Variants in RAB1A observed in about 807,000 individuals in gnomAD.
RAB1A encodes the protein RAB1A, member RAS oncogene family, also known as ras-related protein Rab-1A.
A neutral mutation model predicts 26.0 loss-of-function variants in RAB1A; 2 were observed. That is an observed-to-expected ratio of 0.08 (90% CI 0.03 to 0.24). RAB1A has a LOEUF of 0.24. Ranked by LOEUF, RAB1A falls within the 10% of genes least tolerant of loss-of-function variation. The pLI, the probability that RAB1A is intolerant of heterozygous loss-of-function variation, is 1.00. For synonymous variants in RAB1A, 84 were observed against 84.9 expected (o/e 0.99, Z 0.06); for missense variants, 100 against 247.0 (o/e 0.40, Z 3.99).
intron 1 of RAB1A, among the ~76,000 whole-genome samples, chr2:65,117,113 T>C (rs1183354458): frequency 2.4e-5 from 3 of 125,264 alleles, no homozygotes; most frequent in African/African-American, 9.2e-5. Context: ...TCACCCAGGC[T>C]GAAGTGCAGT....
At chr2:65,121,452 A>C (rs1669963075) in intron 1 of RAB1A, among the ~76,000 whole-genome samples, 1 of 152,192 alleles carries the variant, frequency 6.6e-6, no homozygotes, top group South Asian at 2.1e-4. Flanking sequence ...TTAATAAAGC[A>C]GTGTAGGGTG....
In RAB1A at chr2:65,089,035, T is replaced by G; in HGVS notation, c.324A>C (p.Glu108Asp). Reference sequence around the variant, plus strand: ...CATTTTCACTGGCATAACGATCTATTTCCTGCAGCCACTGTTTAACATTAT... The same window carrying G: ...CATTTTCACTGGCATAACGATCTATGTCCTGCAGCCACTGTTTAACATTAT... ...SFNNVKQWLQ[E>D]IDRYASENVN... Residue 108 changes from glutamate (E) to aspartate (D), a missense_variant, in exon 5 of 6, where the codon GAA becomes GAC. Glu to Asp is a conservative substitution (Grantham distance 45). This residue lies in a region of RAB1A where 67 missense variants were observed against 122.9 expected (regional missense o/e 0.55). Coordinates refer to ENST00000409784, the MANE Select transcript of RAB1A (RefSeq NM_004161.5). 6.2e-7 allele frequency: 1 copy of G among 1,610,666 alleles called. No individual in the cohort carries two copies. The highest frequency in any genetic ancestry group is 8.5e-7 in the Non-Finnish European group (1 of 1,177,890).
At chr2:65,129,177 A>C (rs1376938832) in intron 1 of RAB1A, among the ~76,000 whole-genome samples, 1 of 151,132 alleles carries the variant, frequency 6.6e-6, no homozygotes, top group Non-Finnish European at 1.5e-5. Flanking sequence ...ACAGAAGACA[A>C]AATGACTTAG....
At chr2:65,121,335 C>A (rs1365361421) in intron 1 of RAB1A, among the ~76,000 whole-genome samples, 1 of 151,648 alleles carries the variant, frequency 6.6e-6, no homozygotes. Context: ...AAAGAATGGT[C>A]CCTCTTGTGA....
intron 1 of RAB1A, among the ~76,000 whole-genome samples, chr2:65,116,103 G>A (rs1312383941): frequency 2.6e-5 from 4 of 152,084 alleles, no homozygotes; most frequent in South Asian, 2.1e-4. Flanking sequence ...GTTGCAGTGA[G>A]CTGATATCAC....
chr2:65,111,357 A>G (rs1398142161), intron 1 of RAB1A, among the ~76,000 whole-genome samples: 4 of 150,248 alleles, frequency 2.7e-5, no homozygotes, highest in Non-Finnish European at 5.9e-5. Context: ...ACGAGACACC[A>G]TCTCAAAAAA....
intron 1 of RAB1A, among the ~76,000 whole-genome samples, chr2:65,120,210 C>G (rs948765303): frequency 6.6e-6 from 1 of 152,080 alleles, no homozygotes; most frequent in Non-Finnish European, 1.5e-5. Context: ...GTAATCCCAG[C>G]ACTTTGGGAG....
intron 1 of RAB1A, among the ~76,000 whole-genome samples, chr2:65,114,772 G>A (rs998434795): frequency 1.3e-5 from 2 of 152,032 alleles, no homozygotes; most frequent in Admixed American, 6.6e-5. Context: ...GTGAACCCGG[G>A]AGGCGGAGCT....
chr2:65,096,537 G>A (rs1161570676), intron 3 of RAB1A, among the ~76,000 whole-genome samples: 1 of 152,148 alleles, frequency 6.6e-6, no homozygotes, highest in Non-Finnish European at 1.5e-5. Context: ...TTCCATACCA[G>A]TGCTTTAAAG....
rs1669103920 is a variant in RAB1A, at chr2:65,088,927, C to T, written c.420+12G>A. 3 of 1,590,538 alleles carry T rather than the reference C, an allele frequency of 1.9e-6. No homozygotes were observed. The highest frequency in any genetic ancestry group is 2.6e-6 in the Non-Finnish European group (3 of 1,167,440). ...CTTCAAATTCAGTATGAAAATTAAA[C>T]TTTAAACATACCTTCGCTGTTGTGT... is the stretch of plus-strand genomic sequence containing the variant. On this transcript the variant is annotated intron_variant, in intron 5 of 5. Transcript: ENST00000409784.
chr2:65,101,742 CTTTTTTT>C (rs71401771), intron 2 of RAB1A, among the ~76,000 whole-genome samples: 485 of 70,682 alleles, frequency 6.9e-3, no homozygotes, highest in African/African-American at 0.031. Context: ...GTATTACTTC[CTTTTTTT>C]TTTTTTTTTT....
chr2:65,107,463 C>T (rs1669588185), intron 1 of RAB1A, among the ~76,000 whole-genome samples: 1 of 151,996 alleles, frequency 6.6e-6, no homozygotes, highest in African/African-American at 2.4e-5. Context: ...AGCATTGATA[C>T]TACCATAGTA....
chr2:65,097,581 C>T (rs1669319500), intron 3 of RAB1A, among the ~76,000 whole-genome samples: 2 of 152,186 alleles, frequency 1.3e-5, no homozygotes, highest in Non-Finnish European at 2.9e-5. Flanking sequence ...AACTGAGCCA[C>T]ATATGAAGAA....
intron 2 of RAB1A, among the ~76,000 whole-genome samples, chr2:65,099,861 T>A (rs1669376950): frequency 6.6e-6 from 1 of 152,058 alleles, no homozygotes; most frequent in Non-Finnish European, 1.5e-5. Flanking sequence ...GGTCTTCTAA[T>A]TACAGAAAGA....
intron 1 of RAB1A, among the ~76,000 whole-genome samples, chr2:65,117,112 C>G (rs886262314): frequency 1.3e-5 from 2 of 150,994 alleles, no homozygotes; most frequent in African/African-American, 4.9e-5. Context: ...GTCACCCAGG[C>G]TGAAGTGCAG....
chr2:65,127,794 C>G (rs924874478), intron 1 of RAB1A, among the ~76,000 whole-genome samples: 22 of 152,052 alleles, frequency 1.4e-4, no homozygotes, highest in Non-Finnish European at 2.8e-4. Flanking sequence ...AGTGCAGTGG[C>G]CAGATCTTGG....
At chr2:65,098,694 A>C (rs747140037) in intron 2 of RAB1A, among the ~76,000 whole-genome samples, 9 of 152,274 alleles carry the variant, frequency 5.9e-5, no homozygotes, top group Non-Finnish European at 8.8e-5. Context: ...GGCAACCACT[A>C]ATCTACTTTC....
intron 3 of RAB1A, 75 bp from the exon 4 acceptor site, chr2:65,091,153 A>G: frequency 1.7e-6 from 2 of 1,150,538 alleles, no homozygotes; most frequent in Non-Finnish European, 2.6e-6. Flanking sequence ...AGGGAGGGGA[A>G]ATAGTTTAGT....
At chr2:65,097,914 A>G in intron 3 of RAB1A, 57 bp downstream of exon 3, 2 of 993,922 alleles carry the variant, frequency 2.0e-6, no homozygotes, top group Non-Finnish European at 3.0e-6. Flanking sequence ...CAAAATAACA[A>G]TACATTACAA....
Sources: gnomAD v4.1 joint callset for allele counts (sites outside exome capture counted in the v4.1 genomes callset) on GRCh38, gnomAD v4.1.1 for gene constraint, gnomAD v4.1.1 regional missense constraint, MANE v1.5 for transcripts, NCBI Gene and HGNC (gene_info 2026-07-23, HGNC 2026-07-21) for gene names.